The following IPP variants were observed in gnomAD, a reference collection of about 807,000 sequenced individuals.
IPP encodes the protein actin-binding protein IPP.
A neutral mutation model predicts 64.1 loss-of-function variants in IPP; 41 were observed. That is an observed-to-expected ratio of 0.64 (90% confidence interval 0.50 to 0.83). The LOEUF is 0.83. Among genes scored for constraint, IPP ranks in the 40% least tolerant of loss-of-function variants. IPP has a pLI of 0.00. For synonymous variants in IPP, 214 were observed against 235.2 expected, an observed-to-expected ratio of 0.91 and a Z score of 0.83; for missense variants, 649 against 703.0, an observed-to-expected ratio of 0.92 and a Z score of 0.87.
At chr1:45,695,647 T>C (rs1173662024), downstream of IPP, among the ~76,000 whole-genome samples, 1 of 151,336 alleles carries the variant, frequency 6.6e-6, no homozygotes, top group African/African-American at 2.4e-5. Flanking sequence ...TCTAAGGATA[T>C]AGATCAGGAT....
At chr1:45,747,105 T>TGCGCGCGCACACGAGCGC (rs146686666) in intron 1 of IPP, among the ~76,000 whole-genome samples, 1 of 148,818 alleles carries the variant, frequency 6.7e-6, no homozygotes, top group African/African-American at 2.5e-5. Flanking sequence ...AGTGCGCGCA[T>TGCGCGCGCACACGAGCGC]GCGCGCGCAC....
At chr1:45,737,276 T>A (rs1425084089) in intron 3 of IPP, among the ~76,000 whole-genome samples, 4 of 152,012 alleles carry the variant, frequency 2.6e-5, no homozygotes, top group Admixed American at 2.6e-4. Context: ...TGTATTCCTA[T>A]ACACAATTAA....
intron 3 of IPP, among the ~76,000 whole-genome samples, chr1:45,730,305 T>C (rs962608423): frequency 3.3e-5 from 5 of 151,722 alleles, no homozygotes; most frequent in Admixed American, 2.6e-4. Flanking sequence ...TGAAGCAGGA[T>C]TGCACCACTG....
At position 45,716,967 on chromosome 1, in the gene IPP, C is replaced by T. The variant is rs764461382; in HGVS notation, c.1237G>A (p.Asp413Asn). ...IGNTIERFDP[D>N]ENKWEVVGNM... Reference sequence around the variant, plus strand: ...CCAACTACTTCCCATTTATTTTCATCAGGATCAAATCGTTCAATGGTGTTC... The same window carrying T: ...CCAACTACTTCCCATTTATTTTCATTAGGATCAAATCGTTCAATGGTGTTC... Residue 413 changes from aspartate (D) to asparagine (N), a missense_variant, in exon 7 of 9, where the codon GAT (aspartate) becomes AAT (asparagine). Asp to Asn is a conservative substitution (Grantham distance 23). Coordinates refer to ENST00000396478, the MANE Select transcript of IPP (RefSeq NM_005897.3). 3 of 1,613,276 alleles carry T rather than the reference C, an allele frequency of 1.9e-6. No individual in the cohort carries two copies. The East Asian group carries it at 6.7e-5, about 36-fold the overall frequency.
At chr1:45,729,888 A>AATACCAAAT (rs1212719424) in intron 3 of IPP, 119 bp from the exon 4 acceptor site, 5 of 636,822 alleles carry the variant, frequency 7.9e-6, no homozygotes, top group Non-Finnish European at 1.3e-5. Flanking sequence ...ATCATCAAAC[A>AATACCAAAT]ATGGTGTTTG....
chr1:45,740,299 G>T (rs1007568341), intron 3 of IPP, among the ~76,000 whole-genome samples: 34 of 151,970 alleles, frequency 2.2e-4, no homozygotes, highest in African/African-American at 7.0e-4. Context: ...CCACAAAACC[G>T]CCATTGTCAT....
At chr1:45,694,743 C>G (rs939401260), downstream of IPP, 1 of 421,650 alleles carries the variant, frequency 2.4e-6, no homozygotes, top group African/African-American at 2.0e-5. Flanking sequence ...ACAACTTGTC[C>G]CTTACCACCA....
intron 8 of IPP, among the ~76,000 whole-genome samples, chr1:45,702,724 T>C (rs1041558099): frequency 1.3e-5 from 2 of 151,944 alleles, no homozygotes; most frequent in African/African-American, 4.8e-5. Flanking sequence ...CAAAGTGCTG[T>C]GATTACAGGC....
chr1:45,724,661 C>G (rs921064235), intron 5 of IPP, among the ~76,000 whole-genome samples: 3 of 151,672 alleles, frequency 2.0e-5, no homozygotes, highest in African/African-American at 7.3e-5. Context: ...AGCGCCTCTG[C>G]CGGGCCGCAA....
chr1:45,720,150 A>C (rs1645713787), intron 5 of IPP, among the ~76,000 whole-genome samples: 1 of 151,936 alleles, frequency 6.6e-6, no homozygotes, highest in Admixed American at 6.6e-5. Context: ...ATCATCGCTC[A>C]CTGAAGCCTC....
chr1:45,723,863 A>AT lies in IPP; in HGVS notation c.1048+3767dup, dbSNP rs896118786. Among the ~76,000 whole-genome samples the AT allele has an allele frequency of 1.7e-4, 26 of 151,264 alleles. 1 individual carries two copies. The highest frequency in any genetic ancestry group is 1.0e-3 in the South Asian group (5 of 4,766). On this transcript the variant is annotated intron_variant, in intron 5 of 8. Coordinates refer to ENST00000396478, the MANE Select transcript of IPP (RefSeq NM_005897.3). The stretch of plus-strand genomic sequence containing the variant: ...TAAAAATAAAAATAAATTAATTACA[A>AT]TTTTTTTTTATATACAGTTTGGGTG...
intron 3 of IPP, among the ~76,000 whole-genome samples, chr1:45,733,947 TA>T (rs1557755827): frequency 6.6e-6 from 1 of 152,006 alleles, no homozygotes; most frequent in African/African-American, 2.4e-5. Context: ...AGGCTTTCTT[TA>T]AAAAAGCACT....
chr1:45,749,795 C>A (rs12564201), intron 1 of IPP, among the ~76,000 whole-genome samples: 43,204 of 151,802 alleles, frequency 0.28, 6,278 homozygotes, highest in South Asian at 0.37. Flanking sequence ...GCTGGGATTA[C>A]AGGCGTGAGC....
chr1:45,750,342 G>A (rs1176634496), intron 1 of IPP, among the ~76,000 whole-genome samples: 3 of 152,202 alleles, frequency 2.0e-5, no homozygotes, highest in Non-Finnish European at 4.4e-5. Flanking sequence ...GGCGACAACA[G>A]AGGGACTGGG....
At chr1:45,715,686 T>C (rs1329122086) in intron 7 of IPP, among the ~76,000 whole-genome samples, 6 of 151,928 alleles carry the variant, frequency 3.9e-5, no homozygotes, top group Non-Finnish European at 7.4e-5. Flanking sequence ...ATAGTAAACT[T>C]GGGTTTTAGT....
rs768635994 is a variant in IPP at position 45,729,597 on chromosome 1, T to C, written c.880+17A>G. On this transcript the variant is annotated intron_variant, in intron 4 of 8. Transcript: ENST00000396478. ...ACACAAATATAATTTCTATTACTTT[T>C]TTAAGGGCTCTCTCACCTACTGCAT... 2.5e-6 allele frequency: 4 copies of C among 1,592,066 alleles called. No homozygotes were observed. In the South Asian group the frequency reaches 4.5e-5, roughly 18 times the overall value.
At chr1:45,715,117 C>T (rs1341948300) in intron 7 of IPP, among the ~76,000 whole-genome samples, 2 of 146,898 alleles carry the variant, frequency 1.4e-5, no homozygotes, top group African/African-American at 5.1e-5. Flanking sequence ...ATGGCTTGAG[C>T]GTGGGAGGCA....
chr1:45,736,772 GCT>G (rs1645986603), intron 3 of IPP, among the ~76,000 whole-genome samples: 3 of 151,892 alleles, frequency 2.0e-5, no homozygotes, highest in African/African-American at 7.3e-5. Flanking sequence ...GGGCGCGGTG[GCT>G]CATGACTGTA....
At chr1:45,714,551 C>T in intron 7 of IPP, 85 bp from the exon 8 acceptor site, 1 of 804,980 alleles carries the variant, frequency 1.2e-6, no homozygotes, top group Non-Finnish European at 2.1e-6. Context: ...TCTATGTTTC[C>T]AATGCCGATG....
Sources: gnomAD v4.1 joint callset for allele counts (sites outside exome capture counted in the v4.1 genomes callset) on GRCh38, gnomAD v4.1.1 for gene constraint, MANE v1.5 for transcripts, NCBI Gene and HGNC (gene_info 2026-07-23, HGNC 2026-07-21) for gene names.